The following TBCEL variants were observed in gnomAD, a reference collection of about 807,000 sequenced individuals.
TBCEL encodes tubulin folding cofactor E like, also known as tubulin-specific chaperone cofactor E-like protein.
Under a neutral mutation model 44.2 loss-of-function variants are expected in TBCEL, and 15 were observed. The ratio of observed to expected loss-of-function variants is 0.34; its 90% CI spans 0.23 to 0.52. The LOEUF (loss-of-function observed/expected upper bound fraction) is 0.52, where lower values mean the gene tolerates loss of function less well. TBCEL is among the 20% of genes least tolerant of loss of function. The pLI is 0.95. For synonymous variants in TBCEL, 171 were observed against 185.4 expected (o/e 0.92, Z 0.63); for missense variants, 319 against 506.3 (o/e 0.63, Z 3.55).
intron 8 of TBCEL, among the ~76,000 whole-genome samples, chr11:121,080,344 G>T (rs1946103854): frequency 6.6e-6 from 1 of 152,176 alleles, no homozygotes; most frequent in African/African-American, 2.4e-5. Context: ...AGACTACTAT[G>T]TAAGCTACCC....
At chr11:121,083,727 T>C (rs7943043) in intron 8 of TBCEL, among the ~76,000 whole-genome samples, 16,257 of 152,200 alleles carry the variant, frequency 0.11, 935 homozygotes, top group Middle Eastern at 0.16. Flanking sequence ...TTTAATCTCA[T>C]TGTTGAGTAT....
intron 8 of TBCEL, among the ~76,000 whole-genome samples, chr11:121,064,318 A>C (rs553636268): frequency 6.6e-6 from 1 of 152,344 alleles, no homozygotes; most frequent in South Asian, 2.1e-4. Flanking sequence ...ATGAAGAGTT[A>C]AATGGGAATA....
intron 8 of TBCEL, among the ~76,000 whole-genome samples, chr11:121,076,654 GT>G (rs776796709): frequency 6.6e-6 from 1 of 151,810 alleles, no homozygotes; most frequent in Non-Finnish European, 1.5e-5. Context: ...CATTTTTGTT[GT>G]TTTTTGGACC....
At chr11:121,049,139 G>A (rs190969981) in intron 4 of TBCEL, among the ~76,000 whole-genome samples, 1 of 151,860 alleles carries the variant, frequency 6.6e-6, no homozygotes, top group East Asian at 1.9e-4. Flanking sequence ...AATATTTGTT[G>A]AGTGCGTTAA....
intron 1 of TBCEL, among the ~76,000 whole-genome samples, chr11:121,026,617 A>G (rs1190600927): frequency 5.3e-5 from 8 of 152,212 alleles, no homozygotes; most frequent in Non-Finnish European, 2.9e-5. Flanking sequence ...TTACGAAAAC[A>G]TTCTATCATC....
At chr11:121,044,427 C>T (rs1222564444) in intron 2 of TBCEL, among the ~76,000 whole-genome samples, 1 of 152,096 alleles carries the variant, frequency 6.6e-6, no homozygotes, top group Non-Finnish European at 1.5e-5. Flanking sequence ...CTACCATTGC[C>T]AGGCTGCTTT....
At chr11:121,054,840 A>G in intron 5 of TBCEL, 1 of 429,430 alleles carries the variant, frequency 2.3e-6, no homozygotes, top group Non-Finnish European at 4.0e-6. Flanking sequence ...GCACTACCTT[A>G]TATCATTCTT....
chr11:121,045,974 C>T (rs780330378), intron 3 of TBCEL, 151 bp downstream of exon 3: 29 of 911,654 alleles, frequency 3.2e-5, no homozygotes, highest in Non-Finnish European at 3.5e-5. Flanking sequence ...TTCTAAAGAA[C>T]GTAACAGGAC....
chr11:121,043,121 G>GACTT (rs1025932359), intron 2 of TBCEL, among the ~76,000 whole-genome samples: 8 of 152,136 alleles, frequency 5.3e-5, no homozygotes, highest in African/African-American at 9.7e-5. Context: ...AGATAACAGT[G>GACTT]ACTTGCCTGA....
intron 6 of TBCEL, chr11:121,057,484 G>T (rs1441793017): frequency 8.2e-6 from 3 of 366,800 alleles, no homozygotes; most frequent in Admixed American, 3.6e-5. Context: ...CAGGTTTTTT[G>T]TTTTTGTTTG....
intron 2 of TBCEL, among the ~76,000 whole-genome samples, chr11:121,045,328 C>G (rs1945410021): frequency 6.6e-6 from 1 of 152,122 alleles, no homozygotes; most frequent in Non-Finnish European, 1.5e-5. Flanking sequence ...TCTGTACCTT[C>G]TTTTTCAGAC....
chr11:121,083,536 T>C (rs1437144212), intron 8 of TBCEL, among the ~76,000 whole-genome samples: 1 of 152,238 alleles, frequency 6.6e-6, no homozygotes, highest in Non-Finnish European at 1.5e-5. Context: ...TTTTTAGATG[T>C]ACTTGCCCAT....
At chr11:121,051,722 C>G (rs1474915586) in intron 4 of TBCEL, among the ~76,000 whole-genome samples, 2 of 151,760 alleles carry the variant, frequency 1.3e-5, no homozygotes, top group Non-Finnish European at 2.9e-5. Flanking sequence ...TATATTTTCT[C>G]TAAAAGGCAG....
intron 8 of TBCEL, among the ~76,000 whole-genome samples, chr11:121,081,746 AAAGAT>A (rs769792994): frequency 6.6e-6 from 1 of 152,338 alleles, no homozygotes; most frequent in East Asian, 1.9e-4. Flanking sequence ...TTTCCTGCTT[AAAGAT>A]AAGTGGAAAA....
intron 5 of TBCEL, among the ~76,000 whole-genome samples, chr11:121,054,281 T>C (rs1945580120): frequency 6.6e-6 from 1 of 151,932 alleles, no homozygotes; most frequent in African/African-American, 2.4e-5. Context: ...TGTAGTTTCT[T>C]TGACTGTCTA....
At chr11:121,050,239 A>G (rs1477972736) in intron 4 of TBCEL, among the ~76,000 whole-genome samples, 2 of 151,724 alleles carry the variant, frequency 1.3e-5, no homozygotes, top group South Asian at 2.1e-4. Context: ...TTTCAACCCC[A>G]TTATAACCCA....
chr11:121,049,074 C>T (rs536140623), intron 4 of TBCEL, among the ~76,000 whole-genome samples: 162 of 151,948 alleles, frequency 1.1e-3, no homozygotes, highest in African/African-American at 3.7e-3. Flanking sequence ...TGAGCTTATT[C>T]CAAGTGGAGA....
intron 8 of TBCEL, among the ~76,000 whole-genome samples, chr11:121,072,681 T>C (rs1281544897): frequency 1.3e-5 from 2 of 152,150 alleles, no homozygotes; most frequent in Non-Finnish European, 2.9e-5. Flanking sequence ...ACCTGGTCTT[T>C]TCACCTCGTA....
chr11:121,069,414 G>A (rs1945882995), intron 8 of TBCEL, among the ~76,000 whole-genome samples: 3 of 152,170 alleles, frequency 2.0e-5, no homozygotes, highest in Admixed American at 2.0e-4. Context: ...AGACAGATGT[G>A]AGTACATGGG....
Sources: allele counts gnomAD v4.1 joint callset (sites outside exome capture counted in the v4.1 genomes callset), GRCh38; gene constraint gnomAD v4.1.1; transcripts MANE v1.5; gene names NCBI Gene and HGNC (gene_info 2026-07-23, HGNC 2026-07-21).